The following ARFIP1 variants were observed in gnomAD, a reference collection of about 807,000 sequenced individuals.
ARFIP1 encodes the protein arfaptin-1.
Under a neutral mutation model 42.5 loss-of-function variants are expected in ARFIP1, and 24 were observed. The observed-to-expected ratio is 0.57, with a 90% CI of 0.41 to 0.80. The LOEUF (loss-of-function observed/expected upper bound fraction) is 0.80, where lower values mean the gene tolerates loss of function less well. Ranked by LOEUF, ARFIP1 falls within the 30% of genes least tolerant of loss-of-function variation. The probability of loss-of-function intolerance (pLI) is 0.00; values close to 1 mark genes in which losing one functional copy is unlikely to be tolerated. For missense variants in ARFIP1, 354 were observed against 434.0 expected, an observed-to-expected ratio of 0.82 and a Z score of 1.64; for synonymous variants, 141 against 153.7, an observed-to-expected ratio of 0.92 and a Z score of 0.61.
intron 1 of ARFIP1, among the ~76,000 whole-genome samples, chr4:152,809,407 G>A (rs921684372): frequency 2.6e-5 from 4 of 152,244 alleles, no homozygotes; most frequent in South Asian, 4.1e-4. Flanking sequence ...ATATTCCTCA[G>A]CAATACAAAA....
chr4:152,862,376 ATTG>A (rs1377929573), intron 2 of ARFIP1, among the ~76,000 whole-genome samples: 2 of 151,936 alleles, frequency 1.3e-5, no homozygotes, highest in African/African-American at 2.4e-5. Flanking sequence ...TACATTATAA[ATTG>A]TTGTATACTT....
intron 1 of ARFIP1, among the ~76,000 whole-genome samples, chr4:152,815,346 C>T (rs978335606): frequency 6.6e-6 from 1 of 152,080 alleles, no homozygotes; most frequent in Non-Finnish European, 1.5e-5. Flanking sequence ...CTGTATGACC[C>T]TTCATAGAAA....
intron 2 of ARFIP1, among the ~76,000 whole-genome samples, chr4:152,847,677 G>A (rs1024788607): frequency 2.6e-5 from 4 of 152,092 alleles, no homozygotes; most frequent in African/African-American, 9.7e-5. Context: ...TTTGTAAACT[G>A]TGTGTAGTAT....
At chr4:152,786,586 A>T (rs1177931959) in intron 1 of ARFIP1, among the ~76,000 whole-genome samples, 2 of 152,148 alleles carry the variant, frequency 1.3e-5, no homozygotes, top group East Asian at 3.9e-4. Context: ...CTCCATTCTT[A>T]TCTGTCCTCT....
chr4:152,882,330 G>A (rs1205535149), intron 6 of ARFIP1, among the ~76,000 whole-genome samples: 1 of 152,098 alleles, frequency 6.6e-6, no homozygotes, highest in East Asian at 1.9e-4. Flanking sequence ...ATGTCTGAAA[G>A]TTTTAACCAA....
At chr4:152,814,796 C>G (rs770503846) in intron 1 of ARFIP1, among the ~76,000 whole-genome samples, 13 of 152,230 alleles carry the variant, frequency 8.5e-5, no homozygotes, top group Non-Finnish European at 1.6e-4. Context: ...GGATGCACAG[C>G]ATGGATAGCA....
At chr4:152,816,939 G>A (rs1399341054) in intron 1 of ARFIP1, among the ~76,000 whole-genome samples, 1 of 152,162 alleles carries the variant, frequency 6.6e-6, no homozygotes, top group Non-Finnish European at 1.5e-5. Flanking sequence ...CCTCTGTTAA[G>A]TTTTTCATCT....
chr4:152,860,701 C>T (rs1024039416), intron 2 of ARFIP1, among the ~76,000 whole-genome samples: 6 of 152,160 alleles, frequency 3.9e-5, no homozygotes, highest in African/African-American at 1.2e-4. Context: ...ACACAATCCC[C>T]TCCGTTTAAT....
chr4:152,854,752 C>T (rs1467678128), intron 2 of ARFIP1, among the ~76,000 whole-genome samples: 1 of 152,182 alleles, frequency 6.6e-6, no homozygotes, highest in Non-Finnish European at 1.5e-5. Context: ...TGATTTTCCT[C>T]AGTGGATTAA....
At chr4:152,870,127 G>T (rs570469994) in intron 3 of ARFIP1, among the ~76,000 whole-genome samples, 1 of 152,184 alleles carries the variant, frequency 6.6e-6, no homozygotes, top group Non-Finnish European at 1.5e-5. Context: ...GGTTCAGTAG[G>T]TCTGGGCAGG....
At chr4:152,904,018 T>A (rs1738069756) in intron 8 of ARFIP1, among the ~76,000 whole-genome samples, 1 of 152,020 alleles carries the variant, frequency 6.6e-6, no homozygotes, top group East Asian at 1.9e-4. Context: ...CTCCTCTAAT[T>A]CTAAAAGATT....
At chr4:152,837,035 G>C (rs993204302) in intron 2 of ARFIP1, among the ~76,000 whole-genome samples, 10 of 151,752 alleles carry the variant, frequency 6.6e-5, no homozygotes. Context: ...ACGATGTTTG[G>C]TTTCCATTCC....
At chr4:152,820,296 G>C (rs1730266017) in intron 1 of ARFIP1, among the ~76,000 whole-genome samples, 1 of 152,092 alleles carries the variant, frequency 6.6e-6, no homozygotes, top group Admixed American at 6.6e-5. Context: ...ACCCTGAACT[G>C]TTCAACCTGG....
chr4:152,849,156 A>G (rs1335992451), intron 2 of ARFIP1, among the ~76,000 whole-genome samples: 2 of 152,218 alleles, frequency 1.3e-5, no homozygotes, highest in Non-Finnish European at 2.9e-5. Flanking sequence ...CATTAAATTA[A>G]TTCTGGATTG....
intron 8 of ARFIP1, among the ~76,000 whole-genome samples, chr4:152,889,694 A>G (rs2149898494): frequency 7.8e-6 from 1 of 128,224 alleles, no homozygotes; most frequent in South Asian, 2.2e-4. Context: ...ATATATATGC[A>G]CTATATATAG....
intron 1 of ARFIP1, among the ~76,000 whole-genome samples, chr4:152,790,511 T>C (rs1731083159): frequency 6.6e-6 from 1 of 152,204 alleles, no homozygotes; most frequent in African/African-American, 2.4e-5. Flanking sequence ...TTACTTCTCA[T>C]TGGTTTCTCT....
At chr4:152,905,545 G>GTTTTTGTTTTTTTTTTT (rs1738254198) in intron 8 of ARFIP1, among the ~76,000 whole-genome samples, 1 of 30,372 alleles carries the variant, frequency 3.3e-5, no homozygotes, top group Non-Finnish European at 5.8e-5. Flanking sequence ...TGTAAGAATT[G>GTTTTTGTTTTTTTTTTT]TTTTTTTTTT....
chr4:152,829,467 A>G (rs1057091829), intron 1 of ARFIP1, among the ~76,000 whole-genome samples, 158 bp from the exon 2 acceptor site: 2 of 152,196 alleles, frequency 1.3e-5, no homozygotes, highest in Middle Eastern at 3.2e-3. Context: ...GCCAGATGGA[A>G]TTTTAAAATT....
chr4:152,831,979 T>C (rs1731281485), intron 2 of ARFIP1, among the ~76,000 whole-genome samples: 1 of 152,104 alleles, frequency 6.6e-6, no homozygotes, highest in South Asian at 2.1e-4. Flanking sequence ...AGTATAGTTT[T>C]CCAGTGTGTT....
Sources: allele counts gnomAD v4.1 joint callset (sites outside exome capture counted in the v4.1 genomes callset), GRCh38; gene constraint gnomAD v4.1.1; transcripts MANE v1.5; gene names NCBI Gene and HGNC (gene_info 2026-07-23, HGNC 2026-07-21).